Variants in STXBP5L observed in about 807,000 individuals in gnomAD.
STXBP5L encodes the protein syntaxin-binding protein 5-like.
STXBP5L carries 65 observed loss-of-function variants against 144.5 expected under a neutral mutation model. That is an observed-to-expected ratio of 0.45 (90% CI 0.37 to 0.55). STXBP5L has a LOEUF of 0.55. STXBP5L is among the 20% of genes least tolerant of loss of function. STXBP5L has a pLI of 0.00. For missense variants in STXBP5L, 1,298 were observed against 1,405.5 expected (o/e 0.92, Z 1.22); for synonymous variants, 505 against 469.6 (o/e 1.08, Z -0.97).
chr3:121,068,612 C>T (rs150641626), intron 5 of STXBP5L, among the ~76,000 whole-genome samples: 31 of 152,100 alleles, frequency 2.0e-4, no homozygotes, highest in Middle Eastern at 3.4e-3. Flanking sequence ...TTGCACTTTA[C>T]CTCTATTTAC....
intron 2 of STXBP5L, among the ~76,000 whole-genome samples, chr3:120,954,664 A>G (rs1231535011): frequency 1.3e-5 from 2 of 152,078 alleles, no homozygotes; most frequent in African/African-American, 2.4e-5. Flanking sequence ...ATTTTCCTGA[A>G]TATATGCATA....
At chr3:121,044,214 A>G (rs1274769942) in intron 4 of STXBP5L, among the ~76,000 whole-genome samples, 1 of 151,550 alleles carries the variant, frequency 6.6e-6, no homozygotes, top group Non-Finnish European at 1.5e-5. Context: ...CAAATTTCTA[A>G]ATATTTTCTT....
At chr3:121,325,908 T>C (rs940464422) in intron 20 of STXBP5L, among the ~76,000 whole-genome samples, 1 of 151,810 alleles carries the variant, frequency 6.6e-6, no homozygotes, top group African/African-American at 2.4e-5. Context: ...GTGCTAGTAA[T>C]GGCTTAGTCT....
chr3:120,955,707 G>C (rs972154943), intron 3 of STXBP5L, among the ~76,000 whole-genome samples: 5 of 151,872 alleles, frequency 3.3e-5, no homozygotes, highest in Middle Eastern at 3.2e-3. Flanking sequence ...ATCACAACCA[G>C]GATATTGACA....
chr3:121,088,087 A>C (rs1328354507), intron 5 of STXBP5L, among the ~76,000 whole-genome samples: 1 of 152,054 alleles, frequency 6.6e-6, no homozygotes, highest in African/African-American at 2.4e-5. Flanking sequence ...CAAAATTGAC[A>C]AATGGGATCT....
At chr3:121,323,690 G>A (rs548806005) in intron 20 of STXBP5L, among the ~76,000 whole-genome samples, 3 of 152,104 alleles carry the variant, frequency 2.0e-5, no homozygotes, top group Non-Finnish European at 2.9e-5. Context: ...TACTTCAAAT[G>A]CAGAAATAAA....
In STXBP5L at chr3:121,422,877, ATACTT is replaced by A. The variant is rs1362225458; in HGVS notation, c.*3783_*3787del. ...TGTACCAGTTTTAAAGGCATCATCT[ATACTT>A]TATCTACATGAAGGGATCACCATGA... is the stretch of plus-strand genomic sequence containing the variant. On this transcript the variant is annotated 3_prime_UTR_variant, in exon 27 of 27. Coordinates refer to ENST00000471454, the MANE Select transcript of STXBP5L (RefSeq NM_001308330.2). 3.3e-5 allele frequency: 5 copies of A among 152,154 alleles called. No individual in the cohort carries two copies. Among genetic ancestry groups the A allele is most frequent in the African/African-American group, 1.2e-4 (5 of 41,442 alleles). The allele number at this position is 152,154 out of a possible 1,614,324, so 9.4% of individuals were successfully genotyped here.
At chr3:121,006,814 A>ATATGT (rs1182118554) in intron 3 of STXBP5L, among the ~76,000 whole-genome samples, 1 of 152,132 alleles carries the variant, frequency 6.6e-6, no homozygotes, top group Non-Finnish European at 1.5e-5. Context: ...TTATAGGCTT[A>ATATGT]GTTTGGCTGT....
chr3:121,151,792 A>G (rs2107983122), intron 7 of STXBP5L, among the ~76,000 whole-genome samples: 1 of 151,840 alleles, frequency 6.6e-6, no homozygotes, highest in East Asian at 1.9e-4. Context: ...GATACAAATA[A>G]TAATTGTGAA....
intron 20 of STXBP5L, among the ~76,000 whole-genome samples, chr3:121,364,898 T>C (rs2045820404): frequency 6.6e-6 from 1 of 151,940 alleles, no homozygotes; most frequent in Non-Finnish European, 1.5e-5. Context: ...TTTCTATTTC[T>C]AATTTGTTGA....
intron 23 of STXBP5L, 147 bp downstream of exon 23, chr3:121,407,750 CGATT>C: frequency 8.6e-7 from 1 of 1,159,626 alleles, no homozygotes; most frequent in Non-Finnish European, 1.2e-6. Context: ...TATTGTTCAA[CGATT>C]TGATGAGAGT....
intron 18 of STXBP5L, among the ~76,000 whole-genome samples, chr3:121,277,005 T>A (rs2050905953): frequency 6.6e-6 from 1 of 152,006 alleles, no homozygotes; most frequent in African/African-American, 2.4e-5. Context: ...AAAGATCTCA[T>A]TTCATTTTAG....
intron 5 of STXBP5L, among the ~76,000 whole-genome samples, chr3:121,095,736 C>A (rs932013058): frequency 6.6e-6 from 1 of 151,966 alleles, no homozygotes; most frequent in Non-Finnish European, 1.5e-5. Flanking sequence ...TTCGAACTTC[C>A]TCCTTTAGCT....
chr3:121,168,327 A>G (rs748147336), intron 9 of STXBP5L, among the ~76,000 whole-genome samples: 8 of 152,168 alleles, frequency 5.3e-5, no homozygotes, highest in Non-Finnish European at 1.0e-4. Flanking sequence ...ACAAAACTTG[A>G]TGGAGAATGA....
chr3:121,298,275 A>G (rs1477773424), intron 19 of STXBP5L, among the ~76,000 whole-genome samples: 1 of 152,184 alleles, frequency 6.6e-6, no homozygotes, highest in Admixed American at 6.5e-5. Context: ...TGTTATTTTC[A>G]TATAACTGTT....
At chr3:120,981,004 T>TC (rs1026369501) in intron 3 of STXBP5L, among the ~76,000 whole-genome samples, 6 of 152,192 alleles carry the variant, frequency 3.9e-5, no homozygotes, top group Non-Finnish European at 8.8e-5. Context: ...AGATTTTTTT[T>TC]TTCTTCAAAG....
intron 5 of STXBP5L, among the ~76,000 whole-genome samples, chr3:121,058,551 A>G (rs1032883486): frequency 2.6e-5 from 4 of 152,222 alleles, no homozygotes; most frequent in African/African-American, 9.6e-5. Context: ...GAATCGCCAC[A>G]GTCTCTTCCA....
intron 3 of STXBP5L, among the ~76,000 whole-genome samples, chr3:121,005,019 G>T (rs547595555): frequency 2.2e-4 from 33 of 151,848 alleles, no homozygotes; most frequent in Non-Finnish European, 4.3e-4. Context: ...TCTCTTTTTT[G>T]GTTGTGTCTC....
At chr3:121,127,380 G>C (rs1000824777) in intron 7 of STXBP5L, among the ~76,000 whole-genome samples, 1 of 152,012 alleles carries the variant, frequency 6.6e-6, no homozygotes, top group African/African-American at 2.4e-5. Context: ...CTAACAACCA[G>C]AAGTCTAAAA....
Sources: allele counts gnomAD v4.1 joint callset (sites outside exome capture counted in the v4.1 genomes callset), GRCh38; gene constraint gnomAD v4.1.1; transcripts MANE v1.5; gene names NCBI Gene and HGNC (gene_info 2026-07-23, HGNC 2026-07-21).